Variants in EDA observed in about 807,000 individuals in gnomAD.
EDA encodes the protein ectodysplasin-A.
Under a neutral mutation model 23.6 loss-of-function variants are expected in EDA, and 2 were observed. The ratio of observed to expected loss-of-function variants is 0.08; its 90% CI spans 0.03 to 0.27. The LOEUF (loss-of-function observed/expected upper bound fraction) is 0.27, where lower values mean the gene tolerates loss of function less well. EDA is among the 10% of genes least tolerant of loss of function. EDA has a pLI of 1.00. For synonymous variants in EDA, 131 were observed against 132.0 expected (o/e 0.99, Z 0.05); for missense variants, 229 against 324.2 (o/e 0.71, Z 2.26).
chrX:69,677,964 T>A (rs1271049578), intron 1 of EDA, among the ~76,000 whole-genome samples: 1 of 111,610 alleles, frequency 9.0e-6, no homozygotes, highest in African/African-American at 3.3e-5. Context: ...GGTCTAACAT[T>A]TAAGTCTTTA....
At chrX:69,898,226 A>T (rs992165079) in intron 1 of EDA, among the ~76,000 whole-genome samples, 20 of 112,046 alleles carry the variant, frequency 1.8e-4, no homozygotes, top group Non-Finnish European at 3.2e-4. Flanking sequence ...TTATTGTGGT[A>T]AAAATGCATA....
intron 1 of EDA, among the ~76,000 whole-genome samples, chrX:69,679,367 C>T (rs1279021237): frequency 1.8e-5 from 2 of 109,654 alleles, no homozygotes; most frequent in Non-Finnish European, 3.8e-5. Context: ...CCCTCTTTTT[C>T]TATTGATTGG....
chrX:69,769,995 C>T (rs1414098883), intron 1 of EDA, among the ~76,000 whole-genome samples: 7 of 111,482 alleles, frequency 6.3e-5, no homozygotes, highest in Non-Finnish European at 1.3e-4. Flanking sequence ...GATTATTTTA[C>T]AAAAGGAATC....
intron 1 of EDA, among the ~76,000 whole-genome samples, chrX:69,812,055 A>C (rs1340063456): frequency 8.9e-6 from 1 of 112,346 alleles, no homozygotes; most frequent in Non-Finnish European, 1.9e-5. Context: ...AATAAATTCC[A>C]GTGCCACCAG....
chrX:69,798,261 A>G (rs2015589486), intron 1 of EDA, among the ~76,000 whole-genome samples: 1 of 111,461 alleles, frequency 9.0e-6, no homozygotes, highest in South Asian at 3.8e-4. Context: ...AGATTATCTA[A>G]ATAGAAAATC....
chrX:69,793,376 G>GA, intron 1 of EDA, among the ~76,000 whole-genome samples: 1 of 99,072 alleles, frequency 1.0e-5, no homozygotes, highest in East Asian at 3.2e-4. Flanking sequence ...TAATAGTAGG[G>GA]TTTTTTTTTT....
chrX:69,882,999 C>T (rs1269765027), intron 1 of EDA, among the ~76,000 whole-genome samples: 1 of 112,555 alleles, frequency 8.9e-6, no homozygotes, highest in Admixed American at 9.4e-5. Context: ...TGAGCCACTG[C>T]ACCCGGCCCT....
chrX:69,717,383 A>G (rs931799716), intron 1 of EDA, among the ~76,000 whole-genome samples: 23 of 111,346 alleles, frequency 2.1e-4, no homozygotes, highest in African/African-American at 7.5e-4. Flanking sequence ...AACTGGTATT[A>G]TATTTTAAAT....
At chrX:69,751,849 A>G (rs2013888276) in intron 1 of EDA, among the ~76,000 whole-genome samples, 2 of 108,067 alleles carry the variant, frequency 1.9e-5, no homozygotes, top group Non-Finnish European at 3.8e-5. Context: ...GAATTCTGTT[A>G]TAACAGAACA....
chrX:70,030,338 C>A, intron 5 of EDA, 131 bp from the exon 6 acceptor site: 1 of 596,257 alleles, frequency 1.7e-6, no homozygotes, highest in South Asian at 2.5e-5. Context: ...AGTAACATCC[C>A]AAGACAGGGG....
intron 1 of EDA, among the ~76,000 whole-genome samples, chrX:69,867,069 C>T (rs2017497981): frequency 8.9e-6 from 1 of 111,820 alleles, no homozygotes; most frequent in Non-Finnish European, 1.9e-5. Flanking sequence ...GCTGATCACC[C>T]CAAAGAATGG....
chrX:70,035,222 C>A (rs1374236245), intron 7 of EDA, 136 bp from the exon 8 acceptor site: 4 of 728,284 alleles, frequency 5.5e-6, no homozygotes, highest in Middle Eastern at 4.4e-4. Context: ...AGCTAGCACG[C>A]CTTCACATGG....
At chrX:69,744,475 T>C (rs2013556368) in intron 1 of EDA, among the ~76,000 whole-genome samples, 1 of 112,281 alleles carries the variant, frequency 8.9e-6, no homozygotes, top group Admixed American at 9.4e-5. Flanking sequence ...TGCAAAGCTC[T>C]ACTACTAAAA....
chrX:69,917,888 T>C (rs2018368813), intron 1 of EDA, among the ~76,000 whole-genome samples: 1 of 111,302 alleles, frequency 9.0e-6, no homozygotes, highest in African/African-American at 3.3e-5. Flanking sequence ...TTTATATATA[T>C]CTTATTCTAT....
At chrX:69,963,447 C>A (rs2019130971) in intron 2 of EDA, among the ~76,000 whole-genome samples, 1 of 111,762 alleles carries the variant, frequency 8.9e-6, no homozygotes, top group Non-Finnish European at 1.9e-5. Flanking sequence ...GAAGGCTCAC[C>A]ATGTGTGTGG....
intron 1 of EDA, among the ~76,000 whole-genome samples, chrX:69,667,639 G>T (rs897234712): frequency 1.8e-5 from 2 of 111,323 alleles, no homozygotes; most frequent in African/African-American, 6.5e-5. Flanking sequence ...TTTGGGTTTA[G>T]TTTGTGCTTC....
intron 1 of EDA, among the ~76,000 whole-genome samples, chrX:69,929,706 TTGTGTGTGTGTGTGTGTGTGTG>T (rs4007701): frequency 5.9e-5 from 5 of 84,329 alleles, no homozygotes; most frequent in East Asian, 7.8e-4. Context: ...CATTCTATTT[TTGTGTGTGTGTGTGTGTGTGTG>T]TGTGTGTGTG....
At chrX:69,700,092 G>A (rs773671341) in intron 1 of EDA, among the ~76,000 whole-genome samples, 36 of 110,989 alleles carry the variant, frequency 3.2e-4, no homozygotes, top group African/African-American at 1.1e-3. Flanking sequence ...TTTCTTAGGG[G>A]AGACCTGATA....
rs189429698 is a variant in EDA, at chrX:69,635,482, T to C, written c.396+18778T>C. On this transcript the variant is annotated intron_variant, in intron 1 of 7. Transcript: ENST00000374552. Reference sequence around the variant, plus strand: ...TTCATCTCAGTGAGTACTACTACCATTCATTTACTTATCTAAGCCAGAAGT... The same window carrying C: ...TTCATCTCAGTGAGTACTACTACCACTCATTTACTTATCTAAGCCAGAAGT... Among the ~76,000 whole-genome samples, 99 of 110,776 alleles carry C rather than the reference T, an allele frequency of 8.9e-4. 1 individual carries two copies. Among genetic ancestry groups the C allele is most frequent in the African/African-American group, 3.1e-3 (95 of 30,346 alleles).
Sources: allele counts gnomAD v4.1 joint callset (sites outside exome capture counted in the v4.1 genomes callset), GRCh38; gene constraint gnomAD v4.1.1; transcripts MANE v1.5; gene names NCBI Gene and HGNC (gene_info 2026-07-23, HGNC 2026-07-21).